RNF150: variants seen among roughly 807,000 people sequenced by gnomAD.
RNF150 encodes the protein ring finger protein 150.
A neutral mutation model predicts 39.3 loss-of-function variants in RNF150; 24 were observed. The observed-to-expected ratio is 0.61, with a 90% confidence interval of 0.44 to 0.86. RNF150 has a LOEUF of 0.86. Among genes scored for constraint, RNF150 ranks in the 40% least tolerant of loss-of-function variants. RNF150 has a pLI of 0.00. For synonymous variants in RNF150, 255 were observed against 227.3 expected, an observed-to-expected ratio of 1.12 and a Z score of -1.10; for missense variants, 502 against 587.8, an observed-to-expected ratio of 0.85 and a Z score of 1.51.
chr4:141,210,645 G>GT (rs980139964), intron 1 of RNF150, among the ~76,000 whole-genome samples: 4 of 151,758 alleles, frequency 2.6e-5, no homozygotes, highest in Non-Finnish European at 2.9e-5. Flanking sequence ...TGGCCCCATT[G>GT]TTTTTTTTAA....
At chr4:141,094,017 G>T (rs546943330) in intron 1 of RNF150, among the ~76,000 whole-genome samples, 1 of 152,254 alleles carries the variant, frequency 6.6e-6, no homozygotes, top group African/African-American at 2.4e-5. Context: ...CCATGGACAG[G>T]CTCAACAGAT....
chr4:141,097,239 G>C (rs1738824230), intron 1 of RNF150, among the ~76,000 whole-genome samples: 1 of 152,100 alleles, frequency 6.6e-6, no homozygotes, highest in Admixed American at 6.5e-5. Context: ...CATACCACCA[G>C]AGCCTCGTTC....
chr4:140,983,739 CTTTTT>C (rs35565844), intron 1 of RNF150, among the ~76,000 whole-genome samples: 1 of 129,682 alleles, frequency 7.7e-6, no homozygotes. Context: ...GTATAACTGC[CTTTTT>C]TTTTTTTTTT....
At chr4:140,976,815 C>T (rs1324390716) in intron 1 of RNF150, among the ~76,000 whole-genome samples, 2 of 152,126 alleles carry the variant, frequency 1.3e-5, no homozygotes, top group Non-Finnish European at 2.9e-5. Flanking sequence ...TATGCTTCCA[C>T]CTCTTCATGT....
chr4:140,956,193 A>G (rs967836621), intron 2 of RNF150, among the ~76,000 whole-genome samples: 1 of 152,188 alleles, frequency 6.6e-6, no homozygotes, highest in Non-Finnish European at 1.5e-5. Flanking sequence ...ATGTCCTAGC[A>G]GATAGTGAGA....
At chr4:141,063,539 G>A (rs1017375314) in intron 1 of RNF150, among the ~76,000 whole-genome samples, 1 of 152,106 alleles carries the variant, frequency 6.6e-6, no homozygotes, top group African/African-American at 2.4e-5. Flanking sequence ...CTTTAAAAAA[G>A]ATTCTTGATA....
intron 4 of RNF150, among the ~76,000 whole-genome samples, chr4:140,934,245 G>C (rs1423504168): frequency 6.6e-6 from 1 of 152,122 alleles, no homozygotes; most frequent in African/African-American, 2.4e-5. Flanking sequence ...CCTGATCTCA[G>C]GTGATCCACC....
At chr4:141,127,471 G>A (rs1371048250) in intron 1 of RNF150, among the ~76,000 whole-genome samples, 1 of 152,108 alleles carries the variant, frequency 6.6e-6, no homozygotes, top group African/African-American at 2.4e-5. Flanking sequence ...AAGCAGCTAG[G>A]TCCTTTACAG....
At chr4:141,167,048 G>A (rs6827410) in intron 1 of RNF150, among the ~76,000 whole-genome samples, 72,459 of 151,762 alleles carry the variant, frequency 0.48, 17,819 homozygotes, top group East Asian at 0.81. Context: ...GAAAACCCCA[G>A]CATCTCAGCC....
At chr4:141,166,822 C>G (rs1024468471) in intron 1 of RNF150, among the ~76,000 whole-genome samples, 1 of 152,090 alleles carries the variant, frequency 6.6e-6, no homozygotes, top group African/African-American at 2.4e-5. Context: ...TTATGACAAA[C>G]CCACAGCCAA....
At chr4:141,209,777 A>AC (rs1283624882) in intron 1 of RNF150, among the ~76,000 whole-genome samples, 9 of 151,946 alleles carry the variant, frequency 5.9e-5, no homozygotes, top group African/African-American at 2.2e-4. Flanking sequence ...ATAAAAAAAA[A>AC]CTCTGATTTC....
At chr4:141,202,443 T>C (rs1451229703) in intron 1 of RNF150, among the ~76,000 whole-genome samples, 2 of 152,288 alleles carry the variant, frequency 1.3e-5, no homozygotes, top group Non-Finnish European at 2.9e-5. Flanking sequence ...CCCAGTATTT[T>C]GTTAATTGGT....
At chr4:141,104,360 C>G (rs907165466) in intron 1 of RNF150, among the ~76,000 whole-genome samples, 1 of 152,122 alleles carries the variant, frequency 6.6e-6, no homozygotes, top group Non-Finnish European at 1.5e-5. Flanking sequence ...GTGCAGAAAC[C>G]TTTTTCTTTC....
intron 6 of RNF150, among the ~76,000 whole-genome samples, chr4:140,880,668 T>C (rs1729340920): frequency 6.6e-6 from 1 of 151,794 alleles, no homozygotes; most frequent in Non-Finnish European, 1.5e-5. Flanking sequence ...TTTGTTTGTT[T>C]GTTTTAAACA....
chr4:140,976,486 C>G lies in RNF150; in HGVS notation c.485-8613G>C, dbSNP rs116596458. The stretch of plus-strand genomic sequence containing the variant: ...TCCTTTCCTCCCTGTTGACCTTTGC[C>G]TCCATTGCTCCCTAGACACACATTC... On this transcript the variant is annotated intron_variant, in intron 1 of 6. Transcript: ENST00000515673. Among the ~76,000 whole-genome samples the G allele has an allele frequency of 8.6e-3, 1,311 of 152,026 alleles. 23 individuals carry two copies. The highest frequency in any genetic ancestry group is 0.03 in the African/African-American group (1,239 of 41,464).
intron 6 of RNF150, among the ~76,000 whole-genome samples, chr4:140,909,141 T>C (rs960537469): frequency 5.9e-5 from 9 of 152,186 alleles, no homozygotes; most frequent in Non-Finnish European, 1.2e-4. Flanking sequence ...GAACTTACTA[T>C]TTGACCTGAG....
At position 140,860,194 on chromosome 4, in the gene RNF150, G is replaced by T. The variant is rs1728430929; in HGVS notation, c.*8067C>A. 1 of 151,318 alleles carries T rather than the reference G, an allele frequency of 6.6e-6. No homozygotes were observed. The highest frequency in any genetic ancestry group is 6.6e-5 in the Admixed American group (1 of 15,200). The allele number at this position is 151,318 out of a possible 1,614,324, so 9.4% of individuals were successfully genotyped here. A position where few individuals can be genotyped will look rare whatever the true frequency, so the allele number is the denominator to read the frequency against. ...AGAGGGATATAAAGTGCTCTGAAAG[G>T]AGTAGGGTAGGTGCCTGAGGTGGGG... On this transcript the variant is annotated 3_prime_UTR_variant, in exon 7 of 7. Transcript: ENST00000515673.
intron 1 of RNF150, among the ~76,000 whole-genome samples, chr4:141,043,967 C>T (rs370384711): frequency 2.8e-4 from 42 of 152,242 alleles, no homozygotes; most frequent in African/African-American, 9.9e-4. Context: ...CACTTAGGTT[C>T]TTTATATACA....
intron 1 of RNF150, among the ~76,000 whole-genome samples, chr4:141,103,784 T>C (rs1739101615): frequency 1.3e-5 from 2 of 152,164 alleles, no homozygotes; most frequent in African/African-American, 4.8e-5. Context: ...TGGAAATATA[T>C]TTAAATTGAT....
Sources: gnomAD v4.1 joint callset for allele counts (sites outside exome capture counted in the v4.1 genomes callset) on GRCh38, gnomAD v4.1.1 for gene constraint, MANE v1.5 for transcripts, NCBI Gene and HGNC (gene_info 2026-07-23, HGNC 2026-07-21) for gene names.